ATP12A: variants seen among roughly 807,000 people sequenced by gnomAD.
The protein encoded by ATP12A is ATPase H+/K+ transporting non-gastric alpha2 subunit.
In ATP12A, 81 loss-of-function variants were observed where a neutral mutation model predicts 111.2. The observed-to-expected ratio is 0.73, with a 90% CI of 0.61 to 0.88. The LOEUF is 0.88. Among genes scored for constraint, ATP12A ranks in the 40% least tolerant of loss-of-function variants. ATP12A has a pLI of 0.00. For missense variants in ATP12A, 1,196 were observed against 1,313.1 expected (o/e 0.91, Z 1.38); for synonymous variants, 498 against 499.8 (o/e 1.00, Z 0.05).
Position 24,685,312 on chromosome 13 carries a change from A to G in ATP12A, c.169-2A>G. ...CTCTGTTCTTCCTTTCATGGACTTC[A>G]GGATGACCACAAACTCAGCAATAGG... On this transcript the variant is annotated splice_acceptor_variant, in intron 2 of 22. Transcript: ENST00000381946. LOFTEE classifies it high-confidence loss of function. This position sits in a 1 kb window ranked among gnomAD's most constrained non-coding sequence, Gnocchi z 5.5. 6.2e-7 allele frequency: 1 copy of G among 1,613,754 alleles called. No homozygotes were observed. Among genetic ancestry groups the G allele is most frequent in the Non-Finnish European group, 8.5e-7 (1 of 1,179,664 alleles).
At chr13:24,707,893 A>G (rs1593144046) in intron 17 of ATP12A, among the ~76,000 whole-genome samples, 2 of 151,588 alleles carry the variant, frequency 1.3e-5, no homozygotes, top group Admixed American at 6.6e-5. Context: ...CAAGTGATCC[A>G]CCTGCCTCGG....
In ATP12A at chr13:24,701,272, C is replaced by T. The variant is rs978862776; in HGVS notation, c.1881+350C>T. 2.7e-4 allele frequency among the ~76,000 whole-genome samples: 41 copies of T among 151,906 alleles called. 1 individual carries two copies. Among genetic ancestry groups the T allele is most frequent in the East Asian group, 1.7e-3 (9 of 5,180 alleles). On this transcript the variant is annotated intron_variant, in intron 13 of 22. Coordinates refer to ENST00000381946, the MANE Select transcript of ATP12A (RefSeq NM_001676.7). ...CAGCACTTTGGGAAGCTGAGGCAGG[C>T]GGATCATCTGAGGTCAGGAGTTCCA...
At chr13:24,698,472 G>A (rs1875258952) in intron 11 of ATP12A, among the ~76,000 whole-genome samples, 186 bp from the exon 12 acceptor site, 1 of 152,082 alleles carries the variant, frequency 6.6e-6, no homozygotes. Flanking sequence ...TCCAGAGTGG[G>A]TGCCCCACTC....
At position 24,681,273 on chromosome 13, in the gene ATP12A, T is replaced by TG. The variant is rs138860649; in HGVS notation, c.10-282dup. On this transcript the variant is annotated intron_variant, in intron 1 of 22. Coordinates refer to ENST00000381946, the MANE Select transcript of ATP12A (RefSeq NM_001676.7). ...CTCCTTGGAGGCATCAGTCAGGAGTTGGGGGGGTAACTTCCCACCTGCTCC... is the reference window on the plus strand; with the variant it reads ...CTCCTTGGAGGCATCAGTCAGGAGTTGGGGGGGGTAACTTCCCACCTGCTCC... Among the ~76,000 whole-genome samples, 222 of 151,892 alleles carry TG rather than the reference T, an allele frequency of 1.5e-3. 1 individual carries two copies. Among genetic ancestry groups the TG allele is most frequent in the East Asian group, 0.015 (74 of 5,090 alleles).
At chr13:24,704,998 CTTTTGT>C (rs1225192543) in intron 14 of ATP12A, among the ~76,000 whole-genome samples, 1 of 152,064 alleles carries the variant, frequency 6.6e-6, no homozygotes, top group Non-Finnish European at 1.5e-5. Context: ...CTCTTACTTT[CTTTTGT>C]TTTGTTTTGT....
At position 24,707,260 on chromosome 13, in the gene ATP12A, G is replaced by C. The variant is rs565148736; in HGVS notation, c.2339-19G>C. On this transcript the variant is annotated intron_variant, in intron 16 of 22. Transcript: ENST00000381946. ...GGGGGACTAGAAGTAAGTTCTGAAG[G>C]AGAAACCTCTCTGCCTAGGTCGCCT... The C allele has an allele frequency of 6.2e-7, 1 of 1,614,152 alleles. No homozygotes were observed. Among genetic ancestry groups the C allele is most frequent in the African/African-American group, 1.3e-5 (1 of 75,052 alleles).
Position 24,698,823 on chromosome 13 carries a change from C to A in ATP12A, c.1678C>A (p.Leu560Met). The A allele has an allele frequency of 6.2e-7, 1 of 1,614,016 alleles. No homozygotes were observed. Residue 560 changes from leucine (L) to methionine (M), a missense_variant, in exon 12 of 23, where the codon CTG (leucine) becomes ATG (methionine). Around this residue, in one of 3 missense-constraint regions of ATP12A, gnomAD observed 1,126 missense variants for 1,228.5 expected, o/e 0.92. Coordinates refer to ENST00000381946, the MANE Select transcript of ATP12A (RefSeq NM_001676.7). The part of the protein sequence containing the change: ...AKTFHTAYME[L>M]GGLGERVLGF... ...GACCTTCCACACAGCCTACATGGAG[C>A]TGGGCGGGTTGGGCGAGCGTGTGCT...
chr13:24,692,643 A>T lies in ATP12A; in HGVS notation c.1267+16A>T. 1 of 1,607,560 alleles carries T rather than the reference A, an allele frequency of 6.2e-7. No individual in the cohort carries two copies. Among genetic ancestry groups the T allele is most frequent in the African/African-American group, 1.3e-5 (1 of 74,930 alleles). On this transcript the variant is annotated intron_variant, in intron 9 of 22. Transcript: ENST00000381946. The stretch of plus-strand genomic sequence containing the variant: ...GACCATTCAAGTAAGTCTTATGGAG[A>T]GCTCGGTCTGGCCAAAGCTGTGGAC...
At chr13:24,695,341 T>C (rs4770729) in intron 11 of ATP12A, among the ~76,000 whole-genome samples, 152,244 of 152,288 alleles carry the variant, frequency 1, 76,100 homozygotes, top group Non-Finnish European at 1. Context: ...GAAGACGGCC[T>C]TCCTTGCCTG....
chr13:24,711,567 C>T lies in ATP12A; in HGVS notation c.*45C>T. On this transcript the variant is annotated 3_prime_UTR_variant, in exon 23 of 23. Coordinates refer to ENST00000381946, the MANE Select transcript of ATP12A (RefSeq NM_001676.7). ...TCTCTCAGCAGCACGTTGGGGCACA[C>T]TTGTTCATCTTCTGACCGTTTGCTG... 1 of 1,611,924 alleles carries T rather than the reference C, an allele frequency of 6.2e-7. No homozygotes were observed. The highest frequency in any genetic ancestry group is 8.5e-7 in the Non-Finnish European group (1 of 1,178,114).
chr13:24,682,268 G>C (rs1340804220), intron 2 of ATP12A, among the ~76,000 whole-genome samples: 1 of 145,822 alleles, frequency 6.9e-6, no homozygotes, highest in East Asian at 2.1e-4. Context: ...TGTGGTGTGT[G>C]TGTAGTGTGT....
chr13:24,707,106 A>T lies in ATP12A; in HGVS notation c.2253A>T (p.Ile751=), dbSNP rs1048287466. 6.2e-7 allele frequency: 1 copy of T among 1,614,102 alleles called. No homozygotes were observed. The highest frequency in any genetic ancestry group is 2.2e-5 in the East Asian group (1 of 44,858). The change falls in exon 16 of 23, where the codon ATA becomes ATT. Residue 751 remains isoleucine (I), a synonymous_variant. Coordinates refer to ENST00000381946, the MANE Select transcript of ATP12A (RefSeq NM_001676.7). The stretch of plus-strand genomic sequence containing the variant: ...CAGACATTGGGATTGCCATGGGGAT[A>T]GCAGGTTCTGATGCAGCCAAAAATG... ...KKADIGIAMG[I]AGSDAAKNAA...
At chr13:24,694,305 G>T in intron 10 of ATP12A, 139 bp from the exon 11 acceptor site, 3 of 1,101,490 alleles carry the variant, frequency 2.7e-6, no homozygotes, top group Non-Finnish European at 3.9e-6. Context: ...CCACGGTCTT[G>T]CGGCCCTCCC....
At chr13:24,689,981 C>A (rs186378575) in intron 5 of ATP12A, among the ~76,000 whole-genome samples, 2 of 152,270 alleles carry the variant, frequency 1.3e-5, no homozygotes. Flanking sequence ...GGATTGCTCA[C>A]CCTTAGTGGT....
In ATP12A at chr13:24,698,646, A is replaced by G. The variant is rs750515627; in HGVS notation, c.1513-12A>G. The G allele has an allele frequency of 3.1e-6, 5 of 1,612,166 alleles. No homozygotes were observed. Among genetic ancestry groups the G allele is most frequent in the Middle Eastern group, 1.7e-4 (1 of 6,054 alleles). ...TTTCTGTAAGTAACACGCTCAGTTC[A>G]TTCCTTCCCAGCTCTCCATCCACGA... On this transcript the variant is annotated splice_polypyrimidine_tract_variant and intron_variant, in intron 11 of 22. Coordinates refer to ENST00000381946, the MANE Select transcript of ATP12A (RefSeq NM_001676.7).
At chr13:24,709,300 C>G in intron 17 of ATP12A, 64 bp from the exon 18 acceptor site, 1 of 1,304,880 alleles carries the variant, frequency 7.7e-7, no homozygotes, top group Non-Finnish European at 1.0e-6. Context: ...CCCAGCCCCC[C>G]TCCCCTACTG....
chr13:24,701,010 T>C (rs1875371510), intron 13 of ATP12A, 88 bp downstream of exon 13: 1 of 1,420,362 alleles, frequency 7.0e-7, no homozygotes, highest in South Asian at 1.4e-5. Context: ...GGTCAGTATT[T>C]AGGTGTCTTC....
In ATP12A at chr13:24,709,387, C is replaced by A. The variant is rs368123804; in HGVS notation, c.2517C>A (p.Tyr839Ter). 6 of 1,611,486 alleles carry A rather than the reference C, an allele frequency of 3.7e-6. No homozygotes were observed. The African/African-American group carries it at 8.0e-5, about 22-fold the overall frequency. The change falls in exon 18 of 23, where the codon TAC becomes TAA. Residue 839 changes from tyrosine to a stop codon, truncating the protein, a stop_gained. Coordinates refer to ENST00000381946, the MANE Select transcript of ATP12A (RefSeq NM_001676.7). LOFTEE classifies it high-confidence loss of function. ...AGATCCCCTCCATTGCCTTGGCGTA[C>A]GAGAAAGCTGAAAGTGACATCATGA... is the stretch of plus-strand genomic sequence containing the variant. ...TDIIPSIALA[Y>*]EKAESDIMNR... is the part of the protein sequence containing the mutation.
At chr13:24,705,776 CCTCCTGCCTCAGCCTGCTGA>C (rs1875603417) in intron 14 of ATP12A, among the ~76,000 whole-genome samples, 1 of 152,144 alleles carries the variant, frequency 6.6e-6, no homozygotes. Flanking sequence ...CTCAAGCAAT[CCTCCTGCCTCAGCCTGCTGA>C]GTAGCTGGGA....
Sources: gnomAD v4.1 joint callset for allele counts (sites outside exome capture counted in the v4.1 genomes callset) on GRCh38, gnomAD v4.1.1 for gene constraint, gnomAD v4.1.1 regional missense constraint, Gnocchi (gnomAD v3.1) non-coding constraint, MANE v1.5 for transcripts, NCBI Gene and HGNC (gene_info 2026-07-23, HGNC 2026-07-21) for gene names.